FCGR3B: variants seen among roughly 807,000 people sequenced by gnomAD.
FCGR3B encodes the protein low affinity immunoglobulin gamma Fc region receptor III-B.
A neutral mutation model predicts 26.7 loss-of-function variants in FCGR3B; 20 were observed. The ratio of observed to expected loss-of-function variants is 0.75; its 90% CI spans 0.53 to 1.09. The LOEUF is 1.09. Ranked by LOEUF, FCGR3B falls within the 50% of genes least tolerant of loss-of-function variation. The pLI is 0.00. For missense variants in FCGR3B, 191 were observed against 279.7 expected (o/e 0.68, Z 2.26); for synonymous variants, 79 against 107.0 (o/e 0.74, Z 1.62).
At chr1:161,624,818 A>G (rs1297494349) in intron 4 of FCGR3B, among the ~76,000 whole-genome samples, 179 bp from the exon 5 acceptor site, 1 of 148,502 alleles carries the variant, frequency 6.7e-6, no homozygotes, top group Non-Finnish European at 1.5e-5. Context: ...TCTTAGTGCT[A>G]TCTGAGCAGA....
chr1:161,626,868 C>A (rs747057047), intron 3 of FCGR3B, among the ~76,000 whole-genome samples: 3 of 150,310 alleles, frequency 2.0e-5, no homozygotes, highest in African/African-American at 4.9e-5. Flanking sequence ...CTCTTGTGGC[C>A]TTCAGGAATA....
At position 161,623,590 on chromosome 1, in the gene FCGR3B, T is replaced by C. The variant is rs1410727654; in HGVS notation, c.*925A>G. ...AGAAAGCATTTTCACCTCCTGCGCTTTCCTTCCTGTGTGCTTCTGGTTGGT... is the reference window on the plus strand; with the variant it reads ...AGAAAGCATTTTCACCTCCTGCGCTCTCCTTCCTGTGTGCTTCTGGTTGGT... On this transcript the variant is annotated 3_prime_UTR_variant, in exon 5 of 5. Coordinates refer to ENST00000650385, the MANE Select transcript of FCGR3B (RefSeq NM_001244753.2). 1 of 148,624 alleles carries C rather than the reference T, an allele frequency of 6.7e-6. No homozygotes were observed. The highest frequency in any genetic ancestry group is 1.5e-5 in the Non-Finnish European group (1 of 67,236). 9.2% of individuals were successfully genotyped at this position (148,624 alleles called of 1,614,324 possible). A position where few individuals can be genotyped will look rare whatever the true frequency, so the allele number is the denominator to read the frequency against.
upstream of FCGR3B, chr1:161,631,342 C>G: frequency 1.2e-6 from 1 of 832,540 alleles, no homozygotes; most frequent in East Asian, 2.7e-5. Context: ...CCCCTTTACT[C>G]TCCCAAAGGT....
Position 161,630,350 on chromosome 1 carries a change from AC to A in FCGR3B, c.61+17del. The A allele has an allele frequency of 6.2e-7, 1 of 1,601,322 alleles. No homozygotes were observed. The highest frequency in any genetic ancestry group is 8.5e-7 in the Non-Finnish European group (1 of 1,172,916). On this transcript the variant is annotated intron_variant, in intron 2 of 4. Coordinates refer to ENST00000650385, the MANE Select transcript of FCGR3B (RefSeq NM_001244753.2). ...ATGTGCCCCACTGGGTCAATCCAAGACCATGAAGCTGACTCACCAGTCCGCA... is the reference window on the plus strand; with the variant it reads ...ATGTGCCCCACTGGGTCAATCCAAGACATGAAGCTGACTCACCAGTCCGCA...
At position 161,623,745 on chromosome 1, in the gene FCGR3B, C is replaced by A; in HGVS notation, c.*770G>T. On this transcript the variant is annotated 3_prime_UTR_variant, in exon 5 of 5. Coordinates refer to ENST00000650385, the MANE Select transcript of FCGR3B (RefSeq NM_001244753.2). ...CACCCCCACCCCAATCCTCAGTCCC[C>A]TTCCTAGGACCATTTTCTACTCCTA... 6.9e-6 allele frequency: 1 copy of A among 144,666 alleles called. No homozygotes were observed. The highest frequency in any genetic ancestry group is 1.5e-5 in the Non-Finnish European group (1 of 66,220). The allele number at this position is 144,666 out of a possible 1,614,324, so 9.0% of individuals were successfully genotyped here. A position where few individuals can be genotyped will look rare whatever the true frequency, so the allele number is the denominator to read the frequency against.
intron 3 of FCGR3B, among the ~76,000 whole-genome samples, chr1:161,627,480 A>G (rs1366848584): frequency 1.3e-5 from 2 of 150,466 alleles, no homozygotes; most frequent in Admixed American, 1.3e-4. Context: ...AAAATCTACT[A>G]CCTGATGCTA....
Position 161,630,299 on chromosome 1 carries a change from C to T in FCGR3B, c.61+69G>A, listed in dbSNP as rs577419337. On this transcript the variant is annotated intron_variant, in intron 2 of 4. Transcript: ENST00000650385. ...ATTTTCCCATTCAACAAGCATTTCC[C>T]AATATCTTATGGCCATTGTCCCCAT... 6.9e-5 allele frequency: 104 copies of T among 1,506,526 alleles called. 13 individuals carry two copies. The African/African-American group carries it at 1.2e-3, about 18-fold the overall frequency. 93.3% of individuals were successfully genotyped at this position (1,506,526 alleles called of 1,614,324 possible). A position where few individuals can be genotyped will look rare whatever the true frequency, so the allele number is the denominator to read the frequency against.
At position 161,623,775 on chromosome 1, in the gene FCGR3B, T is replaced by TA. The variant is rs1336444892; in HGVS notation, c.*739dup. 1.2e-4 allele frequency: 16 copies of TA among 138,294 alleles called. No homozygotes were observed. The East Asian group carries it at 2.6e-3, about 22-fold the overall frequency. The allele number at this position is 138,294 out of a possible 1,614,324, so 8.6% of individuals were successfully genotyped here. ...TAGGACCATTTTCTACTCCTAGCAT[T>TA]AGAGGACTCATCGTTATATACTTGG... On this transcript the variant is annotated 3_prime_UTR_variant, in exon 5 of 5. Coordinates refer to ENST00000650385, the MANE Select transcript of FCGR3B (RefSeq NM_001244753.2).
Position 161,630,223 on chromosome 1 carries a change from G to A in FCGR3B, c.61+145C>T, listed in dbSNP as rs553969148. The A allele has an allele frequency of 5.8e-4, 509 of 873,296 alleles. 12 individuals carry two copies. Among genetic ancestry groups the A allele is most frequent in the Non-Finnish European group, 8.0e-4 (442 of 550,830 alleles). 54.1% of individuals were successfully genotyped at this position (873,296 alleles called of 1,614,324 possible). A position where few individuals can be genotyped will look rare whatever the true frequency, so the allele number is the denominator to read the frequency against. On this transcript the variant is annotated intron_variant, in intron 2 of 4. Coordinates refer to ENST00000650385, the MANE Select transcript of FCGR3B (RefSeq NM_001244753.2). ...AGGAAAGCTGGCCAGAGAAGCACAGGGCCAAGTTCTGCTGTGTTGGAGGAA... is the reference window on the plus strand; with the variant it reads ...AGGAAAGCTGGCCAGAGAAGCACAGAGCCAAGTTCTGCTGTGTTGGAGGAA...
In FCGR3B at chr1:161,623,233, C is replaced by T. The variant is rs1409427408; in HGVS notation, c.*1282G>A. ...TATTTTATTACCATGGTTTTGCCAT[C>T]TTCTATCTAAGAGTAGCATGCAAGA... On this transcript the variant is annotated 3_prime_UTR_variant, in exon 5 of 5. Transcript: ENST00000650385. 3 of 149,974 alleles carry T rather than the reference C, an allele frequency of 2.0e-5. No individual in the cohort carries two copies. The highest frequency in any genetic ancestry group is 7.5e-5 in the African/African-American group (3 of 40,174). 9.3% of individuals were successfully genotyped at this position (149,974 alleles called of 1,614,324 possible). A position where few individuals can be genotyped will look rare whatever the true frequency, so the allele number is the denominator to read the frequency against.
rs922405025 is a variant in FCGR3B at position 161,628,219 on chromosome 1, A to G, written c.319+1559T>C. On this transcript the variant is annotated intron_variant, in intron 3 of 4. Transcript: ENST00000650385. ...ACCAGGGAGGTGGAGGTTGCAGTGA[A>G]CCAAGATTGCGCCACTGCACTCCAG... Among the ~76,000 whole-genome samples the G allele has an allele frequency of 3.3e-5, 5 of 150,070 alleles. 1 individual carries two copies. Among genetic ancestry groups the G allele is most frequent in the African/African-American group, 9.9e-5 (4 of 40,374 alleles).
upstream of FCGR3B, chr1:161,631,257 A>C: frequency 6.6e-7 from 1 of 1,505,608 alleles, no homozygotes; most frequent in African/African-American, 1.4e-5. Flanking sequence ...TCTCAATCTG[A>C]AGTCTCGCAA....
In FCGR3B at chr1:161,626,522, C is replaced by T. The variant is rs372653045; in HGVS notation, c.320-120G>A. On this transcript the variant is annotated intron_variant, in intron 3 of 4. Transcript: ENST00000650385. ...AAGGGAAAGCCAGATTGGGAGTCAACCCTGCATAGCTCCCTTTGGGGAAGA... is the reference window on the plus strand; with the variant it reads ...AAGGGAAAGCCAGATTGGGAGTCAATCCTGCATAGCTCCCTTTGGGGAAGA... The T allele has an allele frequency of 3.5e-5, 30 of 857,594 alleles. 1 individual carries two copies. The highest frequency in any genetic ancestry group is 7.0e-4 in the Middle Eastern group (2 of 2,842). 53.1% of individuals were successfully genotyped at this position (857,594 alleles called of 1,614,324 possible).
Position 161,625,782 on chromosome 1 carries a change from G to A in FCGR3B, c.577+363C>T, listed in dbSNP as rs549956117. 6.2e-4 allele frequency among the ~76,000 whole-genome samples: 89 copies of A among 144,376 alleles called. 1 individual carries two copies. The highest frequency in any genetic ancestry group is 2.1e-3 in the African/African-American group (79 of 37,844). 94.7% of individuals were successfully genotyped at this position (144,376 alleles called of 152,430 possible). A position where few individuals can be genotyped will look rare whatever the true frequency, so the allele number is the denominator to read the frequency against. ...TGAGGGGCTCCTGCCAGTTTGGATC[G>A]TGGCTAAAAGGCTTGGATAAGAAGG... is the stretch of plus-strand genomic sequence containing the variant. On this transcript the variant is annotated intron_variant, in intron 4 of 4. Coordinates refer to ENST00000650385, the MANE Select transcript of FCGR3B (RefSeq NM_001244753.2).
At position 161,624,041 on chromosome 1, in the gene FCGR3B, C is replaced by T. The variant is rs72702127; in HGVS notation, c.*474G>A. On this transcript the variant is annotated 3_prime_UTR_variant, in exon 5 of 5. Transcript: ENST00000650385. ...CACACTCTGTAGGGTCCTGCCTCAACCATTAATTCTACTTATCCATTTGTT... is the reference window on the plus strand; with the variant it reads ...CACACTCTGTAGGGTCCTGCCTCAATCATTAATTCTACTTATCCATTTGTT... 0.071 allele frequency: 11,365 copies of T among 159,602 alleles called. 983 individuals are homozygous for T. Among genetic ancestry groups the T allele is most frequent in the Non-Finnish European group, 0.1 (7,638 of 72,770 alleles). The allele number at this position is 159,602 out of a possible 1,614,324, so 9.9% of individuals were successfully genotyped here.
upstream of FCGR3B, chr1:161,631,254 C>T: frequency 2.0e-6 from 3 of 1,519,722 alleles, no homozygotes; most frequent in South Asian, 3.8e-5. Flanking sequence ...ATTTCTCAAT[C>T]TGAAGTCTCG....
rs558468218 is a variant in FCGR3B at position 161,629,118 on chromosome 1, T to C, written c.319+660A>G. Among the ~76,000 whole-genome samples the C allele has an allele frequency of 2.1e-3, 219 of 105,734 alleles. 54 individuals are homozygous for C. The highest frequency in any genetic ancestry group is 7.4e-3 in the African/African-American group (214 of 28,746). The allele number at this position is 105,734 out of a possible 152,430, so 69.4% of individuals were successfully genotyped here. On this transcript the variant is annotated intron_variant, in intron 3 of 4. Coordinates refer to ENST00000650385, the MANE Select transcript of FCGR3B (RefSeq NM_001244753.2). ...AGGAGATTGAGGTCCTAACACCAAA[T>C]TCATTAATTTATTCAATAAAAATTA...
At position 161,626,356 on chromosome 1, in the gene FCGR3B, G is replaced by A. The variant is rs1679465607; in HGVS notation, c.366C>T (p.Asp122=). Residue 122 remains aspartate (D), a synonymous_variant, in exon 4 of 5, where the codon GAC becomes GAT. Transcript: ENST00000650385. ...QAPRWVFKEE[D]PIHLRCHSWK... ...AGCTGTGACACCTCAGGTGAATAGG[G>A]TCTTCCTCCTTGAACACCCACCGAG... 1 of 1,608,686 alleles carries A rather than the reference G, an allele frequency of 6.2e-7. No homozygotes were observed. The highest frequency in any genetic ancestry group is 1.4e-5 in the African/African-American group (1 of 73,332).
chr1:161,630,338 G>C, intron 2 of FCGR3B, 30 bp downstream of exon 2: 1 of 1,590,000 alleles, frequency 6.3e-7, no homozygotes, highest in Non-Finnish European at 8.6e-7. Context: ...TGCCCCACTG[G>C]GTCAATCCAA....
Sources: gnomAD v4.1 joint callset for allele counts (sites outside exome capture counted in the v4.1 genomes callset) on GRCh38, gnomAD v4.1.1 for gene constraint, MANE v1.5 for transcripts, NCBI Gene and HGNC (gene_info 2026-07-23, HGNC 2026-07-21) for gene names.